Variants in CDC42BPA observed in about 807,000 individuals in gnomAD.
CDC42BPA encodes serine/threonine-protein kinase MRCK alpha.
Under a neutral mutation model 223.5 loss-of-function variants are expected in CDC42BPA, and 80 were observed. That is an observed-to-expected ratio of 0.36 (90% CI 0.30 to 0.43). The LOEUF is 0.43. Ranked by LOEUF, CDC42BPA falls within the 20% of genes least tolerant of loss-of-function variation. CDC42BPA has a pLI of 1.00. For synonymous variants in CDC42BPA, 694 were observed against 718.6 expected, an observed-to-expected ratio of 0.97 and a Z score of 0.55; for missense variants, 1,743 against 2,099.9, an observed-to-expected ratio of 0.83 and a Z score of 3.32.
intron 1 of CDC42BPA, among the ~76,000 whole-genome samples, chr1:227,291,127 G>A (rs1689621216): frequency 6.6e-6 from 1 of 152,098 alleles, no homozygotes; most frequent in South Asian, 2.1e-4. Context: ...TGAGAATGGA[G>A]GGAAGACTTT....
intron 3 of CDC42BPA, among the ~76,000 whole-genome samples, chr1:227,212,353 T>C (rs1674073804): frequency 6.6e-6 from 1 of 152,142 alleles, no homozygotes; most frequent in Non-Finnish European, 1.5e-5. Flanking sequence ...GAATTTGTCA[T>C]TATTTTCTTA....
rs181696728 is a variant in CDC42BPA at position 227,157,737 on chromosome 1, T to C, written c.693+2806A>G. Among the ~76,000 whole-genome samples, 907 of 152,170 alleles carry C rather than the reference T, an allele frequency of 6.0e-3. 10 individuals carry two copies. The highest frequency in any genetic ancestry group is 0.021 in the African/African-American group (854 of 41,540). ...TTAGTCTCAATATTTTTCTCTGTTT[T>C]TCACATTGGCTCATCTCTACTCATC... On this transcript the variant is annotated intron_variant, in intron 6 of 36. Coordinates refer to ENST00000366766, the MANE Select transcript of CDC42BPA (RefSeq NM_001394014.1).
intron 2 of CDC42BPA, among the ~76,000 whole-genome samples, chr1:227,218,391 T>C (rs1675252100): frequency 6.6e-6 from 1 of 152,204 alleles, no homozygotes; most frequent in Non-Finnish European, 1.5e-5. Flanking sequence ...TCTACTATCA[T>C]TTATGATTAA....
chr1:227,025,990 A>G, intron 31 of CDC42BPA, 65 bp downstream of exon 31: 1 of 825,432 alleles, frequency 1.2e-6, no homozygotes, highest in Non-Finnish European at 2.0e-6. Context: ...AAAAATTACT[A>G]TGTAGTAATT....
At chr1:227,026,317 T>C (rs1668237307) in intron 30 of CDC42BPA, among the ~76,000 whole-genome samples, 165 bp from the exon 31 acceptor site, 1 of 152,124 alleles carries the variant, frequency 6.6e-6, no homozygotes, top group Admixed American at 6.6e-5. Flanking sequence ...AAACAGAACA[T>C]ATATCGTAAA....
At chr1:227,282,132 G>A (rs540238533) in intron 1 of CDC42BPA, among the ~76,000 whole-genome samples, 1 of 149,276 alleles carries the variant, frequency 6.7e-6, no homozygotes, top group African/African-American at 2.5e-5. Context: ...AGGTTGTGGT[G>A]AGTCGAGATT....
intron 24 of CDC42BPA, 101 bp downstream of exon 24, chr1:227,040,030 G>A: frequency 1.3e-6 from 1 of 770,062 alleles, no homozygotes; most frequent in South Asian, 1.6e-5. Context: ...AAAAGCAAAT[G>A]ATTAAGTAAA....
At chr1:227,214,200 T>C (rs1674431576) in intron 2 of CDC42BPA, among the ~76,000 whole-genome samples, 1 of 147,804 alleles carries the variant, frequency 6.8e-6, no homozygotes, top group East Asian at 2.0e-4. Context: ...AGTATAGGTT[T>C]AAATTCAAGT....
chr1:227,100,339 T>C (rs1029442618), intron 15 of CDC42BPA, among the ~76,000 whole-genome samples: 1 of 152,140 alleles, frequency 6.6e-6, no homozygotes, highest in African/African-American at 2.4e-5. Flanking sequence ...GTAAATATAA[T>C]CATGTCACCT....
At chr1:227,090,903 G>C (rs1471490595) in intron 16 of CDC42BPA, among the ~76,000 whole-genome samples, 1 of 152,112 alleles carries the variant, frequency 6.6e-6, no homozygotes, top group Non-Finnish European at 1.5e-5. Flanking sequence ...TGGGAAGTTG[G>C]GAAATTTGAG....
intron 5 of CDC42BPA, among the ~76,000 whole-genome samples, chr1:227,163,843 A>C (rs1192234377): frequency 1.3e-5 from 2 of 151,832 alleles, no homozygotes; most frequent in Non-Finnish European, 2.9e-5. Context: ...TCTCTTGTGT[A>C]AGTTTTAAAG....
chr1:227,292,310 G>GA (rs35810413), intron 1 of CDC42BPA, among the ~76,000 whole-genome samples: 46,716 of 151,776 alleles, frequency 0.31, 7,366 homozygotes, highest in East Asian at 0.37. Context: ...TAGTGTTAAA[G>GA]AAAAAATATG....
At chr1:227,132,264 C>T (rs1407749199) in intron 10 of CDC42BPA, among the ~76,000 whole-genome samples, 1 of 152,142 alleles carries the variant, frequency 6.6e-6, no homozygotes, top group Non-Finnish European at 1.5e-5. Context: ...CTCAGCCTGC[C>T]GAGTGCCTCA....
At chr1:227,105,354 CTCT>C (rs1433746193) in intron 14 of CDC42BPA, among the ~76,000 whole-genome samples, 290 of 113,638 alleles carry the variant, frequency 2.6e-3, no homozygotes, top group East Asian at 0.023. Flanking sequence ...TTTGCCTATT[CTCT>C]TTTTTTTTTT....
chr1:227,100,437 C>G lies in CDC42BPA; in HGVS notation c.2249+555G>C, dbSNP rs147303328. Among the ~76,000 whole-genome samples, 7 of 152,162 alleles carry G rather than the reference C, an allele frequency of 4.6e-5. No individual in the cohort carries two copies. The East Asian group carries it at 1.2e-3, about 25-fold the overall frequency. On this transcript the variant is annotated intron_variant, in intron 15 of 36. Coordinates refer to ENST00000366766, the MANE Select transcript of CDC42BPA (RefSeq NM_001394014.1). The stretch of plus-strand genomic sequence containing the variant: ...TTTACTTTCCAGCTTCATTTCTCAC[C>G]ACTCTCATCTATTTATGTTTCAGTC...
At chr1:227,010,875 T>C (rs1268547749) in intron 34 of CDC42BPA, 1 of 1,355,326 alleles carries the variant, frequency 7.4e-7, no homozygotes, top group South Asian at 1.2e-5. Flanking sequence ...CAGCTGTTCA[T>C]ACCCTCAGAG....
chr1:227,035,665 C>A, intron 24 of CDC42BPA, 58 bp from the exon 25 acceptor site: 1 of 1,339,026 alleles, frequency 7.5e-7, no homozygotes, highest in East Asian at 2.4e-5. Flanking sequence ...AAAGAAAATT[C>A]GTAACACTCA....
intron 1 of CDC42BPA, among the ~76,000 whole-genome samples, chr1:227,290,304 T>C (rs1689485557): frequency 1.3e-5 from 2 of 152,190 alleles, no homozygotes. Context: ...TGAGCCTTTC[T>C]ACTCCCCACA....
chr1:227,154,265 T>C (rs1662319553), intron 6 of CDC42BPA, among the ~76,000 whole-genome samples: 1 of 151,960 alleles, frequency 6.6e-6, no homozygotes, highest in African/African-American at 2.4e-5. Flanking sequence ...AAGGGATTTC[T>C]TAATTTGATA....
Sources: allele counts gnomAD v4.1 joint callset (sites outside exome capture counted in the v4.1 genomes callset), GRCh38; gene constraint gnomAD v4.1.1; transcripts MANE v1.5; gene names NCBI Gene and HGNC (gene_info 2026-07-23, HGNC 2026-07-21).